CCNT1: variants seen among roughly 807,000 people sequenced by gnomAD.
CCNT1 encodes the protein cyclin T1, also known as cyclin-T1.
A neutral mutation model predicts 67.3 loss-of-function variants in CCNT1; 18 were observed. That is an observed-to-expected ratio of 0.27 (90% confidence interval 0.18 to 0.40). The LOEUF (loss-of-function observed/expected upper bound fraction) is 0.40, where lower values mean the gene tolerates loss of function less well. Ranked by LOEUF, CCNT1 falls within the 10% of genes least tolerant of loss-of-function variation. CCNT1 has a pLI of 1.00. For synonymous variants in CCNT1, 333 were observed against 310.3 expected, an observed-to-expected ratio of 1.07 and a Z score of -0.77; for missense variants, 744 against 884.9, an observed-to-expected ratio of 0.84 and a Z score of 2.02.
At chr12:48,700,058 G>A (rs1940239513) in intron 4 of CCNT1, among the ~76,000 whole-genome samples, 1 of 152,106 alleles carries the variant, frequency 6.6e-6, no homozygotes, top group Non-Finnish European at 1.5e-5. Flanking sequence ...GGTGGATCAA[G>A]CCTGTAATCC....
At chr12:48,712,985 C>T (rs1264616390) in intron 2 of CCNT1, among the ~76,000 whole-genome samples, 1 of 152,052 alleles carries the variant, frequency 6.6e-6, no homozygotes, top group Non-Finnish European at 1.5e-5. Context: ...TCAAGTTTAT[C>T]CCTATTACCT....
In CCNT1 at chr12:48,693,718, C is replaced by T. The variant is rs767190434; in HGVS notation, c.1496G>A (p.Ser499Asn). 2 of 1,614,152 alleles carry T rather than the reference C, an allele frequency of 1.2e-6. No individual in the cohort carries two copies. Among genetic ancestry groups the T allele is most frequent in the Non-Finnish European group, 1.7e-6 (2 of 1,180,026 alleles). ...TTTGTGCTCTCGGCTCTTTGTAACA[C>T]TGTCCTCTACAGAATTGTGCTTATC... ...AADKHNSVED[S>N]VTKSREHKEK... Residue 499 changes from serine to asparagine, a missense_variant, in exon 9 of 9, where the codon AGT (serine) becomes AAT (asparagine). Ser to Asn is a conservative substitution (Grantham distance 46). This residue lies in a region of CCNT1 where 564 missense variants were observed against 574.2 expected (regional missense o/e 0.98). Transcript: ENST00000261900.
chr12:48,694,811 G>A (rs1940143499), intron 8 of CCNT1, among the ~76,000 whole-genome samples: 2 of 152,016 alleles, frequency 1.3e-5, no homozygotes, highest in Admixed American at 1.3e-4. Context: ...CTTTTTTGTT[G>A]TTACTGTTGT....
Position 48,699,804 on chromosome 12 carries a change from A to G in CCNT1, c.470T>C (p.Val157Ala). Reference sequence around the variant, plus strand: ...TCGAACAAGTTGAGTGCACTTTACTACATGAGTATGTGGGTGATCAATTGT... The same window carrying G: ...TCGAACAAGTTGAGTGCACTTTACTGCATGAGTATGTGGGTGATCAATTGT... ...ELTIDHPHTH[V>A]VKCTQLVRAS... The change falls in exon 5 of 9, where the codon GTA (valine) becomes GCA (alanine). Residue 157 changes from valine (V) to alanine (A), a missense_variant. By Grantham distance (64) the Val-to-Ala change is moderately conservative. Transcript: ENST00000261900. 6.2e-7 allele frequency: 1 copy of G among 1,609,962 alleles called. No homozygotes were observed. The highest frequency in any genetic ancestry group is 8.5e-7 in the Non-Finnish European group (1 of 1,177,210).
At chr12:48,711,542 G>T (rs1055255810) in intron 2 of CCNT1, among the ~76,000 whole-genome samples, 1 of 152,066 alleles carries the variant, frequency 6.6e-6, no homozygotes, top group Non-Finnish European at 1.5e-5. Flanking sequence ...TAAAAGGGAA[G>T]AATTATAGAA....
At chr12:48,701,989 C>G (rs1232763349) in intron 3 of CCNT1, among the ~76,000 whole-genome samples, 1 of 151,502 alleles carries the variant, frequency 6.6e-6, no homozygotes, top group African/African-American at 2.4e-5. Context: ...CTCTGCCTCC[C>G]AGGTTCAAGC....
In CCNT1 at chr12:48,693,726, T is replaced by C; in HGVS notation, c.1488A>G (p.Val496=). The part of the protein sequence containing the change: ...VHAAADKHNS[V]EDSVTKSREH... ...CTCGGCTCTTTGTAACACTGTCCTC[T>C]ACAGAATTGTGCTTATCAGCTGCAG... is the stretch of plus-strand genomic sequence containing the variant. The change falls in exon 9 of 9, where the codon GTA becomes GTG. Residue 496 remains valine, a synonymous_variant. Coordinates refer to ENST00000261900, the MANE Select transcript of CCNT1 (RefSeq NM_001240.4). The C allele has an allele frequency of 6.2e-7, 1 of 1,614,154 alleles. No homozygotes were observed. The highest frequency in any genetic ancestry group is 8.5e-7 in the Non-Finnish European group (1 of 1,180,022).
rs1003642394 is a variant in CCNT1 at position 48,691,698 on chromosome 12, A to C, written c.*1335T>G. 3 of 152,224 alleles carry C rather than the reference A, an allele frequency of 2.0e-5. No homozygotes were observed. Among genetic ancestry groups the C allele is most frequent in the Non-Finnish European group, 4.4e-5 (3 of 68,038 alleles). The allele number at this position is 152,224 out of a possible 1,614,324, so 9.4% of individuals were successfully genotyped here. ...CAAAGATGAACAATCTAAACACAATAGTATCCATTGGCTAGGCTTTGCTCA... is the reference window on the plus strand; with the variant it reads ...CAAAGATGAACAATCTAAACACAATCGTATCCATTGGCTAGGCTTTGCTCA... On this transcript the variant is annotated 3_prime_UTR_variant, in exon 9 of 9. Coordinates refer to ENST00000261900, the MANE Select transcript of CCNT1 (RefSeq NM_001240.4).
chr12:48,716,446 G>C, intron 1 of CCNT1, 69 bp downstream of exon 1: 1 of 1,444,008 alleles, frequency 6.9e-7, no homozygotes, highest in Admixed American at 2.1e-5. Flanking sequence ...CCCCCACAGA[G>C]CCTGAGACCC....
chr12:48,701,777 T>C (rs1047793157), intron 3 of CCNT1, among the ~76,000 whole-genome samples: 1 of 151,560 alleles, frequency 6.6e-6, no homozygotes, highest in African/African-American at 2.4e-5. Context: ...CAGCTAATTT[T>C]GTATTTTTAG....
Position 48,716,534 on chromosome 12 carries a change from T to C in CCNT1, c.142A>G (p.Met48Val). ...GGATACACGTTAAGACGCTGCCCCA[T>C]GTCCTGAAGCAGATTGGCCGCCTGC... Reference protein sequence around the residue: ...RQQAANLLQDMGQRLNVSQLT... With the variant: ...RQQAANLLQDVGQRLNVSQLT... Residue 48 changes from methionine (M) to valine (V), a missense_variant, in exon 1 of 9, where the codon ATG (methionine) becomes GTG (valine). By Grantham distance (21) the Met-to-Val change is conservative. Coordinates refer to ENST00000261900, the MANE Select transcript of CCNT1 (RefSeq NM_001240.4). 1 of 1,613,944 alleles carries C rather than the reference T, an allele frequency of 6.2e-7. No homozygotes were observed. The highest frequency in any genetic ancestry group is 8.5e-7 in the Non-Finnish European group (1 of 1,179,864).
At chr12:48,707,288 C>CTT (rs779298084) in intron 2 of CCNT1, among the ~76,000 whole-genome samples, 7 of 133,288 alleles carry the variant, frequency 5.3e-5, no homozygotes, top group South Asian at 2.3e-4. Flanking sequence ...TTTTTTCTTT[C>CTT]TTTTTTTTTT....
intron 3 of CCNT1, among the ~76,000 whole-genome samples, 171 bp from the exon 4 acceptor site, chr12:48,701,244 T>A (rs1400062976): frequency 8.1e-5 from 7 of 86,926 alleles, no homozygotes; most frequent in African/African-American, 1.1e-4. Context: ...TTTTTTTTTT[T>A]AGACAGAGTC....
intron 3 of CCNT1, among the ~76,000 whole-genome samples, chr12:48,702,101 T>C (rs1489684654): frequency 1.3e-5 from 2 of 151,918 alleles, no homozygotes; most frequent in Non-Finnish European, 2.9e-5. Context: ...TTCACCATAT[T>C]GGCAAAGCTG....
Position 48,697,390 on chromosome 12 carries a change from C to T in CCNT1, c.542+748G>A, listed in dbSNP as rs149325767. Among the ~76,000 whole-genome samples, 132 of 151,392 alleles carry T rather than the reference C, an allele frequency of 8.7e-4. 1 individual carries two copies. The East Asian group carries it at 0.022, about 25-fold the overall frequency. ...CAAAAAAATTAGCGGGGCATGGTGG[C>T]GCCAGTCTATAATCCCAGCTTAGTG... On this transcript the variant is annotated intron_variant, in intron 6 of 8. Transcript: ENST00000261900.
At chr12:48,710,375 T>C (rs1940431137) in intron 2 of CCNT1, among the ~76,000 whole-genome samples, 1 of 152,224 alleles carries the variant, frequency 6.6e-6, no homozygotes, top group Admixed American at 6.5e-5. Context: ...AAAGGTGATA[T>C]TAAATCTGGA....
chr12:48,696,069 G>T lies in CCNT1; in HGVS notation c.636C>A (p.Ile212=). Residue 212 remains isoleucine (I), a synonymous_variant, in exon 7 of 9, where the codon ATC becomes ATA. Transcript: ENST00000261900. Reference sequence around the variant, plus strand: ...AGTGCTTCCCGTCAGTTGAGACTGGGATCTCCCAATTGGACCACTTGCAAG... The same window carrying T: ...AGTGCTTCCCGTCAGTTGAGACTGGTATCTCCCAATTGGACCACTTGCAAG... The part of the protein sequence containing the change: ...HLACKWSNWE[I]PVSTDGKHWW... 1 of 1,613,866 alleles carries T rather than the reference G, an allele frequency of 6.2e-7. No individual in the cohort carries two copies. The highest frequency in any genetic ancestry group is 8.5e-7 in the Non-Finnish European group (1 of 1,179,952).
rs1298431777 is a variant in CCNT1, at chr12:48,690,862, C to T, written c.*2171G>A. The T allele has an allele frequency of 6.6e-6, 1 of 152,096 alleles. No homozygotes were observed. The highest frequency in any genetic ancestry group is 1.5e-5 in the Non-Finnish European group (1 of 68,000). 9.4% of individuals were successfully genotyped at this position (152,096 alleles called of 1,614,324 possible). A position where few individuals can be genotyped will look rare whatever the true frequency, so the allele number is the denominator to read the frequency against. On this transcript the variant is annotated 3_prime_UTR_variant, in exon 9 of 9. Transcript: ENST00000261900. The stretch of plus-strand genomic sequence containing the variant: ...ACTAAAAGCTGGAAAAGACATTTTT[C>T]AAAATCAAACCAGTGATCATCAAGT...
intron 1 of CCNT1, among the ~76,000 whole-genome samples, chr12:48,715,270 C>A (rs1477027832): frequency 6.6e-6 from 1 of 152,184 alleles, no homozygotes; most frequent in East Asian, 1.9e-4. Context: ...AACAGACACC[C>A]ATTTTGAGAT....
Sources: allele counts gnomAD v4.1 joint callset (sites outside exome capture counted in the v4.1 genomes callset), GRCh38; gene constraint gnomAD v4.1.1; regional missense constraint gnomAD v4.1.1; transcripts MANE v1.5; gene names NCBI Gene and HGNC (gene_info 2026-07-23, HGNC 2026-07-21).